The following NAP1L4 variants were observed in gnomAD, a reference collection of about 807,000 sequenced individuals.
NAP1L4 encodes nucleosome assembly protein 1-like 4.
NAP1L4 carries 15 observed loss-of-function variants against 58.2 expected under a neutral mutation model. That is an observed-to-expected ratio of 0.26 (90% CI 0.17 to 0.40). The LOEUF is 0.40. Among genes scored for constraint, NAP1L4 ranks in the 10% least tolerant of loss-of-function variants. NAP1L4 has a pLI of 1.00. For missense variants in NAP1L4, 384 were observed against 451.1 expected, an observed-to-expected ratio of 0.85 and a Z score of 1.35; for synonymous variants, 171 against 155.6, an observed-to-expected ratio of 1.10 and a Z score of -0.74.
intron 1 of NAP1L4, among the ~76,000 whole-genome samples, chr11:2,989,611 C>G (rs71476699): frequency 0.023 from 3,545 of 152,240 alleles, 146 homozygotes; most frequent in African/African-American, 0.081. Context: ...GAGGTCACCT[C>G]CTCCTGATGC....
chr11:2,954,841 G>A lies in NAP1L4; in HGVS notation c.916-195C>T. 3 of 652,568 alleles carry A rather than the reference G, an allele frequency of 4.6e-6. No homozygotes were observed. Among genetic ancestry groups the A allele is most frequent in the African/African-American group, 3.6e-5 (2 of 54,908 alleles). 40.4% of individuals were successfully genotyped at this position (652,568 alleles called of 1,614,324 possible). A position where few individuals can be genotyped will look rare whatever the true frequency, so the allele number is the denominator to read the frequency against. Reference sequence around the variant, plus strand: ...CTTTAAGTAGCTTTAAAGAGCTACTGAAGCAAAATGGCAGAGAAAGTGGGA... The same window carrying A: ...CTTTAAGTAGCTTTAAAGAGCTACTAAAGCAAAATGGCAGAGAAAGTGGGA... On this transcript the variant is annotated intron_variant, in intron 11 of 15. Transcript: ENST00000380542. This position sits in a 1 kb window ranked among gnomAD's most constrained non-coding sequence, Gnocchi z 4.8.
intron 1 of NAP1L4, among the ~76,000 whole-genome samples, chr11:2,986,372 T>C (rs1848617360): frequency 3.0e-5 from 2 of 66,450 alleles, no homozygotes; most frequent in East Asian, 7.9e-4. Context: ...AGACCCTGTC[T>C]CAAAAAAAAA....
chr11:2,984,428 G>A (rs543362739), intron 1 of NAP1L4, among the ~76,000 whole-genome samples: 5 of 152,046 alleles, frequency 3.3e-5, no homozygotes, highest in South Asian at 2.1e-4. Flanking sequence ...AAAATTAGCC[G>A]GGCATGGTGG....
At position 2,964,749 on chromosome 11, in the gene NAP1L4, T is replaced by A; in HGVS notation, c.537A>T (p.Glu179Asp). Residue 179 changes from glutamate (E) to aspartate (D), a missense_variant and splice_region_variant, in exon 8 of 16, where the codon GAA becomes GAT. Physicochemically the swap from Glu to Asp is conservative, Grantham distance 45. This residue lies in a region of NAP1L4 where 296 missense variants were observed against 360.8 expected (regional missense o/e 0.82). Transcript: ENST00000380542. ...GGTGTTTCAAGATTGGTTCATCATA[T>A]TCCTAATCAAAAAGAGAAAAAAAAT... The part of the protein sequence containing the change: ...NVDMLSELVQ[E>D]YDEPILKHLQ... The A allele has an allele frequency of 1.2e-6, 2 of 1,612,184 alleles. No individual in the cohort carries two copies. Among genetic ancestry groups the A allele is most frequent in the Non-Finnish European group, 1.7e-6 (2 of 1,178,654 alleles).
Position 2,959,696 on chromosome 11 carries a change from A to T in NAP1L4, c.746+74T>A. 1.3e-6 allele frequency: 2 copies of T among 1,560,466 alleles called. No homozygotes were observed. The highest frequency in any genetic ancestry group is 1.1e-5 in the South Asian group (1 of 87,570). On this transcript the variant is annotated intron_variant, in intron 9 of 15. Transcript: ENST00000380542. This position sits in a 1 kb window ranked among gnomAD's most constrained non-coding sequence, Gnocchi z 4.9. ...AGACTGTACTTTATTCCTTACTTCT[A>T]TCTTACCCATCAAGTTACAAAATTA...
intron 1 of NAP1L4, among the ~76,000 whole-genome samples, chr11:2,984,062 G>T (rs1389396638): frequency 1.3e-5 from 2 of 148,996 alleles, no homozygotes; most frequent in Non-Finnish European, 3.0e-5. Context: ...GAGTGGCTGA[G>T]ACAGAAGCAA....
At position 2,959,384 on chromosome 11, in the gene NAP1L4, T is replaced by C. The variant is rs1456127270; in HGVS notation, c.746+386A>G. 6.6e-6 allele frequency among the ~76,000 whole-genome samples: 1 copy of C among 152,240 alleles called. No individual in the cohort carries two copies. ...CCCACCTATTTCCAAAGCAATCAGC[T>C]GATCAATATAGCCCTGGACTCAGAC... On this transcript the variant is annotated intron_variant, in intron 9 of 15. Transcript: ENST00000380542. The surrounding 1 kb of genome is among the most constrained non-coding windows in gnomAD (Gnocchi z 4.9).
At chr11:2,984,280 C>G (rs897458100) in intron 1 of NAP1L4, among the ~76,000 whole-genome samples, 1 of 151,838 alleles carries the variant, frequency 6.6e-6, no homozygotes, top group African/African-American at 2.4e-5. Context: ...ATTTAAAAAC[C>G]CTTTAACAAA....
rs191091498 is a variant in NAP1L4 at position 2,975,772 on chromosome 11, G to A, written c.173+252C>T. On this transcript the variant is annotated intron_variant, in intron 4 of 15. Coordinates refer to ENST00000380542, the MANE Select transcript of NAP1L4 (RefSeq NM_005969.4). ...CTCAGATGATCTGTGAAGTCCTCTA[G>A]CCCTCCACAGGATGGCACTGTGCAC... Among the ~76,000 whole-genome samples the A allele has an allele frequency of 8.6e-5, 13 of 152,022 alleles. No individual in the cohort carries two copies. The East Asian group carries it at 2.5e-3, about 30-fold the overall frequency.
rs370947627 is a variant in NAP1L4 at position 2,946,040 on chromosome 11, C to A, written c.*33-394G>T. ...TCCAGGAAGGCCACCGCGGAGGCAA[C>A]CCCTCTTGGTGCCAACAGTCCCCAC... On this transcript the variant is annotated intron_variant, in intron 15 of 15. Coordinates refer to ENST00000380542, the MANE Select transcript of NAP1L4 (RefSeq NM_005969.4). This position sits in a 1 kb window ranked among gnomAD's most constrained non-coding sequence, Gnocchi z 4.8. Among the ~76,000 whole-genome samples, 9 of 152,308 alleles carry A rather than the reference C, an allele frequency of 5.9e-5. No individual in the cohort carries two copies. In the East Asian group the frequency reaches 9.7e-4, roughly 16 times the overall value.
In NAP1L4 at chr11:2,955,366, T is replaced by C. The variant is rs531033172; in HGVS notation, c.915+378A>G. On this transcript the variant is annotated intron_variant, in intron 11 of 15. Coordinates refer to ENST00000380542, the MANE Select transcript of NAP1L4 (RefSeq NM_005969.4). The surrounding 1 kb of genome is among the most constrained non-coding windows in gnomAD (Gnocchi z 4.2). The stretch of plus-strand genomic sequence containing the variant: ...CGCTGCCACCGTGTCCAACTAATTT[T>C]TTTTTTTTTTGGTATTTTAAGCAGA... Among the ~76,000 whole-genome samples the C allele has an allele frequency of 1.2e-3, 184 of 151,990 alleles. 1 individual carries two copies. The highest frequency in any genetic ancestry group is 0.01 in the Middle Eastern group (3 of 294).
At chr11:2,991,139 T>TC (rs1554956014) in intron 1 of NAP1L4, 6 of 454,966 alleles carry the variant, frequency 1.3e-5, no homozygotes, top group Non-Finnish European at 2.6e-5. Flanking sequence ...GAGCGCACAG[T>TC]CACCCAGGCA....
In NAP1L4 at chr11:2,955,922, C is replaced by A; in HGVS notation, c.893-156G>T. On this transcript the variant is annotated intron_variant, in intron 10 of 15. Transcript: ENST00000380542. This position sits in a 1 kb window ranked among gnomAD's most constrained non-coding sequence, Gnocchi z 4.2. ...CCAAAGCCTTGCATCTCCTCACAGA[C>A]ATCTTTGCAAGCTCCATCCACCACT... is the stretch of plus-strand genomic sequence containing the variant. 1 of 667,532 alleles carries A rather than the reference C, an allele frequency of 1.5e-6. No individual in the cohort carries two copies. The highest frequency in any genetic ancestry group is 2.5e-6 in the Non-Finnish European group (1 of 392,936). 41.4% of individuals were successfully genotyped at this position (667,532 alleles called of 1,614,324 possible).
intron 8 of NAP1L4, chr11:2,963,702 T>C (rs1847086755): frequency 9.7e-6 from 5 of 513,730 alleles, no homozygotes; most frequent in Non-Finnish European, 1.9e-5. Flanking sequence ...AAGATACTGG[T>C]GACTGGCCCC....
chr11:2,992,052 C>G (rs1182482064), intron 1 of NAP1L4: 1 of 152,052 alleles, frequency 6.6e-6, no homozygotes, highest in Non-Finnish European at 1.5e-5. Context: ...GGCCCGGGCT[C>G]CAGGCCCCAA....
At chr11:2,964,491 C>T (rs1296054556) in intron 8 of NAP1L4, among the ~76,000 whole-genome samples, 189 bp downstream of exon 8, 1 of 152,180 alleles carries the variant, frequency 6.6e-6, no homozygotes, top group Non-Finnish European at 1.5e-5. Flanking sequence ...GGATCCCCAT[C>T]GAACTCAGGG....
At chr11:2,945,761 G>A in intron 15 of NAP1L4, 115 bp from the exon 16 acceptor site, 4 of 799,480 alleles carry the variant, frequency 5.0e-6, no homozygotes, top group Admixed American at 3.1e-5. Context: ...GAAAAAAATG[G>A]TTACTGCAAA....
rs532014451 is a variant in NAP1L4 at position 2,986,335 on chromosome 11, C to G, written c.-18+5919G>C. Among the ~76,000 whole-genome samples the G allele has an allele frequency of 8.2e-5, 12 of 146,578 alleles. No homozygotes were observed. In the South Asian group the frequency reaches 2.5e-3, roughly 31 times the overall value. ...GTTGTAGTGAGCCAAGATTGCCCCA[C>G]TAGACTCCAGTCTGGGCGACAGAGC... On this transcript the variant is annotated intron_variant, in intron 1 of 15. Coordinates refer to ENST00000380542, the MANE Select transcript of NAP1L4 (RefSeq NM_005969.4).
chr11:2,978,049 C>A (rs4758503), intron 3 of NAP1L4, among the ~76,000 whole-genome samples: 3 of 151,888 alleles, frequency 2.0e-5, no homozygotes. Flanking sequence ...CTAAAGCTCA[C>A]TGATGGTAGC....
Sources: allele counts gnomAD v4.1 joint callset (sites outside exome capture counted in the v4.1 genomes callset), GRCh38; gene constraint gnomAD v4.1.1; regional missense constraint gnomAD v4.1.1; non-coding constraint Gnocchi (gnomAD v3.1); transcripts MANE v1.5; gene names NCBI Gene and HGNC (gene_info 2026-07-23, HGNC 2026-07-21).